PLAAT5: variants seen among roughly 807,000 people sequenced by gnomAD.
PLAAT5 encodes the protein Ca(2+)-independent N-acyltransferase.
PLAAT5 carries 27 observed loss-of-function variants against 27.8 expected under a neutral mutation model. The observed-to-expected ratio is 0.97, with a 90% CI of 0.72 to 1.34. The LOEUF (loss-of-function observed/expected upper bound fraction) is 1.34. Among genes scored for constraint, PLAAT5 ranks in the 40% most tolerant of loss-of-function variants. PLAAT5 has a pLI of 0.00. For synonymous variants in PLAAT5, 125 were observed against 136.1 expected (o/e 0.92, Z 0.57); for missense variants, 368 against 343.8 (o/e 1.07, Z -0.56).
At chr11:63,482,747 A>G (rs770288891) in intron 3 of PLAAT5, among the ~76,000 whole-genome samples, 1 of 152,236 alleles carries the variant, frequency 6.6e-6, no homozygotes, top group Non-Finnish European at 1.5e-5. Flanking sequence ...TGATTAAAAC[A>G]GCACCTCACA....
intron 3 of PLAAT5, among the ~76,000 whole-genome samples, chr11:63,486,361 G>T (rs1364126793): frequency 6.6e-6 from 1 of 152,046 alleles, no homozygotes; most frequent in Admixed American, 6.6e-5. Flanking sequence ...ATTCACAACT[G>T]CAAAAATATG....
intron 2 of PLAAT5, 30 bp from the exon 3 acceptor site, chr11:63,489,006 A>T: frequency 3.6e-6 from 5 of 1,390,872 alleles, no homozygotes; most frequent in Non-Finnish European, 5.1e-6. Flanking sequence ...CAAAGTTAAC[A>T]AATATCACTA....
At chr11:63,467,493 C>G (rs377123099) in intron 4 of PLAAT5, among the ~76,000 whole-genome samples, 14 of 152,128 alleles carry the variant, frequency 9.2e-5, no homozygotes, top group African/African-American at 2.9e-4. Flanking sequence ...AGGAAGAGGA[C>G]AGGACACAGG....
At chr11:63,465,291 G>C (rs2015829554) in intron 5 of PLAAT5, among the ~76,000 whole-genome samples, 1 of 151,942 alleles carries the variant, frequency 6.6e-6, no homozygotes, top group African/African-American at 2.4e-5. Context: ...AAAAAAGAGA[G>C]AGAGAGAGAA....
rs542244391 is a variant in PLAAT5 at position 63,468,345 on chromosome 11, A to C, written c.454+12T>G. 8 of 1,568,536 alleles carry C rather than the reference A, an allele frequency of 5.1e-6. No individual in the cohort carries two copies. The Admixed American group carries it at 6.7e-5, about 13-fold the overall frequency. On this transcript the variant is annotated intron_variant, in intron 4 of 5. Coordinates refer to ENST00000540857, the MANE Select transcript of PLAAT5 (RefSeq NM_001146729.2). ...TTCAATATCAGTATTTCAATAGACTATTCACTCTTACTTGGGGGAGCCAGA... is the reference window on the plus strand; with the variant it reads ...TTCAATATCAGTATTTCAATAGACTCTTCACTCTTACTTGGGGGAGCCAGA...
intron 3 of PLAAT5, among the ~76,000 whole-genome samples, chr11:63,478,800 G>T (rs116245138): frequency 0.017 from 2,594 of 152,226 alleles, 73 homozygotes; most frequent in African/African-American, 0.059. Flanking sequence ...GTTTTTGTGG[G>T]CACAAAGCAA....
intron 3 of PLAAT5, 126 bp downstream of exon 3, chr11:63,488,745 C>A: frequency 1.9e-6 from 1 of 513,090 alleles, no homozygotes; most frequent in African/African-American, 2.0e-5. Context: ...CAAGACGTTT[C>A]TTCTTCCAGT....
intron 3 of PLAAT5, among the ~76,000 whole-genome samples, chr11:63,479,003 C>T (rs2016219187): frequency 6.6e-6 from 1 of 152,160 alleles, no homozygotes; most frequent in African/African-American, 2.4e-5. Flanking sequence ...AGAGGGCTCC[C>T]CATACCAGGC....
chr11:63,490,184 A>G (rs2016527444), intron 2 of PLAAT5, 59 bp downstream of exon 2: 3 of 1,611,402 alleles, frequency 1.9e-6, no homozygotes, highest in Non-Finnish European at 2.5e-6. Context: ...ACTGCATTCC[A>G]AGTCAATTCT....
intron 3 of PLAAT5, among the ~76,000 whole-genome samples, chr11:63,472,115 G>A (rs754500114): frequency 6.6e-6 from 1 of 152,050 alleles, no homozygotes; most frequent in Non-Finnish European, 1.5e-5. Context: ...AAGGTGATGG[G>A]TTGATCTGTG....
intron 3 of PLAAT5, among the ~76,000 whole-genome samples, chr11:63,480,663 G>C (rs2016262343): frequency 6.6e-6 from 1 of 152,210 alleles, no homozygotes; most frequent in African/African-American, 2.4e-5. Context: ...CTGGGTGCCA[G>C]AGTTTTAAAA....
In PLAAT5 at chr11:63,483,821, A is replaced by G. The variant is rs1291978261; in HGVS notation, c.345+5050T>C. Among the ~76,000 whole-genome samples, 97 of 112,472 alleles carry G rather than the reference A, an allele frequency of 8.6e-4. 1 individual carries two copies. Among genetic ancestry groups the G allele is most frequent in the African/African-American group, 2.6e-3 (84 of 31,942 alleles). 73.8% of individuals were successfully genotyped at this position (112,472 alleles called of 152,430 possible). A position where few individuals can be genotyped will look rare whatever the true frequency, so the allele number is the denominator to read the frequency against. On this transcript the variant is annotated intron_variant, in intron 3 of 5. Transcript: ENST00000540857. The stretch of plus-strand genomic sequence containing the variant: ...TATATGTATATATATATATATATAT[A>G]TATATATATATATATATATATACAC...
At chr11:63,473,092 T>C (rs925323984) in intron 3 of PLAAT5, among the ~76,000 whole-genome samples, 3 of 152,062 alleles carry the variant, frequency 2.0e-5, no homozygotes, top group South Asian at 4.2e-4. Context: ...CACTCCAGCA[T>C]AGGTGACAGA....
At chr11:63,466,574 G>A (rs2120216862) in intron 4 of PLAAT5, among the ~76,000 whole-genome samples, 1 of 152,176 alleles carries the variant, frequency 6.6e-6, no homozygotes, top group African/African-American at 2.4e-5. Flanking sequence ...CTCACTCCCT[G>A]CTCTCAACCC....
chr11:63,472,380 T>A (rs960394593), intron 3 of PLAAT5, among the ~76,000 whole-genome samples: 1 of 152,238 alleles, frequency 6.6e-6, no homozygotes, highest in Non-Finnish European at 1.5e-5. Context: ...TACTCCATTA[T>A]ATGGAGGCAC....
intron 3 of PLAAT5, among the ~76,000 whole-genome samples, chr11:63,486,255 A>G (rs1303020405): frequency 6.6e-6 from 1 of 152,232 alleles, no homozygotes; most frequent in East Asian, 1.9e-4. Context: ...TAGCACAACA[A>G]TTTGATCCAG....
At chr11:63,485,632 C>T (rs977453111) in intron 3 of PLAAT5, among the ~76,000 whole-genome samples, 4 of 152,074 alleles carry the variant, frequency 2.6e-5, no homozygotes, top group Admixed American at 2.6e-4. Context: ...ACTCAAGATG[C>T]ATCAAAGATT....
chr11:63,474,385 T>C (rs1015733842), intron 3 of PLAAT5, among the ~76,000 whole-genome samples: 5 of 152,186 alleles, frequency 3.3e-5, no homozygotes, highest in African/African-American at 7.2e-5. Context: ...GATTTTCTAG[T>C]TTTTCTTGAG....
In PLAAT5 at chr11:63,490,293, G is replaced by A. The variant is rs1239633422; in HGVS notation, c.189C>T (p.Ala63=). The A allele has an allele frequency of 1.2e-6, 2 of 1,614,086 alleles. No individual in the cohort carries two copies. The highest frequency in any genetic ancestry group is 1.7e-6 in the Non-Finnish European group (2 of 1,180,036). Residue 63 remains alanine, a synonymous_variant, in exon 2 of 6, where the codon GCC becomes GCT. Coordinates refer to ENST00000540857, the MANE Select transcript of PLAAT5 (RefSeq NM_001146729.2). ...VGFAALVQLP[A]KQPPPGTLEQ... ...CTAATGTGCCCGGCGGAGGCTGCTTGGCTGGGAGCTGGACCAACGCTGCGA... is the reference window on the plus strand; with the variant it reads ...CTAATGTGCCCGGCGGAGGCTGCTTAGCTGGGAGCTGGACCAACGCTGCGA...
Sources: gnomAD v4.1 joint callset for allele counts (sites outside exome capture counted in the v4.1 genomes callset) on GRCh38, gnomAD v4.1.1 for gene constraint, MANE v1.5 for transcripts, NCBI Gene and HGNC (gene_info 2026-07-23, HGNC 2026-07-21) for gene names.